FSTL4: variants seen among roughly 807,000 people sequenced by gnomAD.
FSTL4 encodes the protein follistatin-related protein 4.
Under a neutral mutation model 78.2 loss-of-function variants are expected in FSTL4, and 28 were observed. The observed-to-expected ratio is 0.36, with a 90% CI of 0.27 to 0.49. FSTL4 has a LOEUF of 0.49. Ranked by LOEUF, FSTL4 falls within the 20% of genes least tolerant of loss-of-function variation. The pLI, the probability that FSTL4 is intolerant of heterozygous loss-of-function variation, is 0.98. For synonymous variants in FSTL4, 422 were observed against 440.5 expected, an observed-to-expected ratio of 0.96 and a Z score of 0.53; for missense variants, 922 against 1,084.9, an observed-to-expected ratio of 0.85 and a Z score of 2.11.
chr5:133,220,303 G>C (rs1284644334), intron 12 of FSTL4, among the ~76,000 whole-genome samples: 1 of 152,248 alleles, frequency 6.6e-6, no homozygotes, highest in South Asian at 2.1e-4. Flanking sequence ...AGCCCTGGGG[G>C]AGGCCTCCTA....
intron 3 of FSTL4, among the ~76,000 whole-genome samples, chr5:133,411,484 C>T (rs1002433639): frequency 2.6e-5 from 4 of 152,124 alleles, no homozygotes; most frequent in Non-Finnish European, 5.9e-5. Context: ...ACAATGGTCA[C>T]TATTAAGACT....
At chr5:133,825,677 C>G in the FSTL4 span, among the ~76,000 whole-genome samples, 1 of 152,350 alleles carries the variant, frequency 6.6e-6, no homozygotes, top group African/African-American at 2.4e-5. Flanking sequence ...GCATCAAAGC[C>G]GTTCCCCTGG....
At chr5:133,564,549 G>A (rs1759986203) in intron 3 of FSTL4, among the ~76,000 whole-genome samples, 1 of 152,208 alleles carries the variant, frequency 6.6e-6, no homozygotes, top group Non-Finnish European at 1.5e-5. Flanking sequence ...GAGCTGTGAG[G>A]AATGTGGGGA....
intron 4 of FSTL4, among the ~76,000 whole-genome samples, chr5:133,370,061 A>G (rs1755259764): frequency 6.6e-6 from 1 of 152,162 alleles, no homozygotes; most frequent in South Asian, 2.1e-4. Context: ...TCCTCCAGGA[A>G]GCTTCCTGGC....
At chr5:133,837,286 A>G in the FSTL4 span, among the ~76,000 whole-genome samples, 3 of 152,032 alleles carry the variant, frequency 2.0e-5, no homozygotes, top group Non-Finnish European at 4.4e-5. Flanking sequence ...ATAGTTTCCA[A>G]TTCTCCACAG....
chr5:133,813,726 C>T, the FSTL4 span, among the ~76,000 whole-genome samples: 2 of 152,190 alleles, frequency 1.3e-5, no homozygotes, highest in African/African-American at 4.8e-5. Context: ...GGGCACCAGC[C>T]CTTCCCTGCC....
At chr5:133,786,329 C>T in the FSTL4 span, among the ~76,000 whole-genome samples, 4 of 152,200 alleles carry the variant, frequency 2.6e-5, no homozygotes, top group African/African-American at 4.8e-5. Flanking sequence ...TGGGCCAAAA[C>T]GGAGGCCAGA....
At chr5:133,396,602 G>A (rs1425975056) in intron 4 of FSTL4, among the ~76,000 whole-genome samples, 1 of 152,224 alleles carries the variant, frequency 6.6e-6, no homozygotes, top group Admixed American at 6.5e-5. Flanking sequence ...GATGTAAGAA[G>A]CTTTCCCTGG....
intron 3 of FSTL4, among the ~76,000 whole-genome samples, chr5:133,496,272 G>A (rs1258456784): frequency 6.6e-6 from 1 of 152,196 alleles, no homozygotes; most frequent in Non-Finnish European, 1.5e-5. Flanking sequence ...AACAAACAAA[G>A]AAAGCAATCT....
intron 6 of FSTL4, among the ~76,000 whole-genome samples, chr5:133,264,419 T>C (rs1289421337): frequency 6.6e-6 from 1 of 152,132 alleles, no homozygotes; most frequent in African/African-American, 2.4e-5. Flanking sequence ...CCCCCTGTCA[T>C]TCCTCATCCT....
chr5:133,325,793 C>A (rs1210621439), intron 4 of FSTL4, among the ~76,000 whole-genome samples: 1 of 30,904 alleles, frequency 3.2e-5, no homozygotes, highest in African/African-American at 1.0e-4. Context: ...CACCTGAGAA[C>A]CCCCCCAGAG....
In FSTL4 at chr5:133,573,863, T is replaced by C. The variant is rs1561474197; in HGVS notation, c.127-6644A>G. Among the ~76,000 whole-genome samples the C allele has an allele frequency of 2.0e-5, 3 of 152,340 alleles. No homozygotes were observed. In the South Asian group the frequency reaches 6.2e-4, roughly 32 times the overall value. The stretch of plus-strand genomic sequence containing the variant: ...TCATGGCAACCTCATGGAAAAAATG[T>C]TGGACGTATCTTAGAACATACATAA... On this transcript the variant is annotated intron_variant, in intron 2 of 15. Coordinates refer to ENST00000265342, the MANE Select transcript of FSTL4 (RefSeq NM_015082.2).
chr5:133,235,489 A>AC (rs1751629780), intron 7 of FSTL4, among the ~76,000 whole-genome samples: 1 of 104,942 alleles, frequency 9.5e-6, no homozygotes, highest in South Asian at 3.2e-4. Context: ...ACAGAGCGAG[A>AC]CCCCACCTCC....
chr5:133,248,974 A>G (rs1752128041), intron 7 of FSTL4, among the ~76,000 whole-genome samples: 1 of 152,084 alleles, frequency 6.6e-6, no homozygotes, highest in Non-Finnish European at 1.5e-5. Flanking sequence ...AGCTGTCTAC[A>G]GCCTACCCAG....
chr5:133,423,109 G>C (rs1317066625), intron 3 of FSTL4, among the ~76,000 whole-genome samples: 1 of 152,212 alleles, frequency 6.6e-6, no homozygotes, highest in Non-Finnish European at 1.5e-5. Context: ...GAAAGAAAAA[G>C]AAAAGATCCC....
intron 4 of FSTL4, among the ~76,000 whole-genome samples, chr5:133,357,116 G>A (rs1242993575): frequency 1.3e-5 from 2 of 152,212 alleles, no homozygotes; most frequent in African/African-American, 4.8e-5. Context: ...ATAGCCTGCT[G>A]GTCAGTGTGG....
At position 133,249,436 on chromosome 5, in the gene FSTL4, T is replaced by C. The variant is rs775055050; in HGVS notation, c.868A>G (p.Asn290Asp). The C allele has an allele frequency of 6.2e-7, 1 of 1,614,022 alleles. No individual in the cohort carries two copies. The highest frequency in any genetic ancestry group is 1.3e-5 in the African/African-American group (1 of 75,050). The change falls in exon 7 of 16, where the codon AAC (asparagine) becomes GAC (aspartate). Residue 290 changes from asparagine to aspartate, a missense_variant. Transcript: ENST00000265342. Reference sequence around the variant, plus strand: ...TTGATGTCTTCCAAGTCCAGGAAGTTCAGGGTGAGCCCGTTGCGCTTCCAG... The same window carrying C: ...TTGATGTCTTCCAAGTCCAGGAAGTCCAGGGTGAGCCCGTTGCGCTTCCAG... ...IIWKRNGLTLNFLDLEDINDF... is the reference protein window; with the variant it reads ...IIWKRNGLTLDFLDLEDINDF...
intron 2 of FSTL4, among the ~76,000 whole-genome samples, chr5:133,589,899 A>G (rs1237038045): frequency 2.0e-5 from 3 of 152,234 alleles, no homozygotes; most frequent in African/African-American, 7.2e-5. Flanking sequence ...CAGCTCACTT[A>G]TCTTGAAGCC....
chr5:133,739,281 CT>C, the FSTL4 span, among the ~76,000 whole-genome samples: 6 of 126,994 alleles, frequency 4.7e-5, no homozygotes, highest in Non-Finnish European at 6.8e-5. Flanking sequence ...TTTGATTTTT[CT>C]TTTTCTTTTT....
Sources: allele counts gnomAD v4.1 joint callset (sites outside exome capture counted in the v4.1 genomes callset), GRCh38; gene constraint gnomAD v4.1.1; transcripts MANE v1.5; gene names NCBI Gene and HGNC (gene_info 2026-07-23, HGNC 2026-07-21).